Variants in DDX21 observed in about 807,000 individuals in gnomAD.
DDX21 encodes DExD-box helicase 21.
In DDX21, 18 loss-of-function variants were observed where a neutral mutation model predicts 90.0. The ratio of observed to expected loss-of-function variants is 0.20; its 90% confidence interval spans 0.14 to 0.30. The LOEUF is 0.30. Ranked by LOEUF, DDX21 falls within the 10% of genes least tolerant of loss-of-function variation. The probability of loss-of-function intolerance (pLI) is 1.00; values close to 1 mark genes in which losing one functional copy is unlikely to be tolerated. For missense variants in DDX21, 673 were observed against 944.5 expected (o/e 0.71, Z 3.77); for synonymous variants, 294 against 318.0 (o/e 0.92, Z 0.80).
chr10:68,981,851 TTGTGTGTG>T (rs141752628), intron 14 of DDX21, among the ~76,000 whole-genome samples: 3 of 148,826 alleles, frequency 2.0e-5, no homozygotes, highest in Non-Finnish European at 4.5e-5. Context: ...TATATAGATT[TTGTGTGTG>T]TGTGTGTGTG....
intron 3 of DDX21, 132 bp downstream of exon 3, chr10:68,962,289 G>A (rs1842881671): frequency 3.1e-6 from 2 of 641,190 alleles, no homozygotes; most frequent in Non-Finnish European, 5.3e-6. Flanking sequence ...AATGAAGTAG[G>A]CCTGTGTATT....
rs763668496 is a variant in DDX21, at chr10:68,970,364, C to CT, written c.1386+16dup. On this transcript the variant is annotated intron_variant, in intron 8 of 14. Transcript: ENST00000354185. The stretch of plus-strand genomic sequence containing the variant: ...GCTATAAAGCAGGTTGGTCCTTCCC[C>CT]TTATGCCAGCAAAACTGGGGATATC... 10 of 1,608,318 alleles carry CT rather than the reference C, an allele frequency of 6.2e-6. No homozygotes were observed. In the Admixed American group the frequency reaches 1.7e-4, roughly 27 times the overall value.
intron 1 of DDX21, among the ~76,000 whole-genome samples, chr10:68,957,419 C>T (rs1200482185): frequency 6.6e-6 from 1 of 152,172 alleles, no homozygotes; most frequent in South Asian, 2.1e-4. Flanking sequence ...GAGATCAAGT[C>T]AGTGGGAACA....
intron 4 of DDX21, chr10:68,964,101 G>GAA (rs750726882): frequency 0.032 from 7,588 of 233,944 alleles, 4 homozygotes; most frequent in South Asian, 0.042. Flanking sequence ...TCCGTCTCAA[G>GAA]AAAAAAAAAA....
rs187513343 is a variant in DDX21 at position 68,956,917 on chromosome 10, C to G, written c.87+605C>G. ...ATTAGCCGGGCATGGTGGCGCGCGCCTGTAGTCCCAGCTACTCGGGAGGCT... is the reference window on the plus strand; with the variant it reads ...ATTAGCCGGGCATGGTGGCGCGCGCGTGTAGTCCCAGCTACTCGGGAGGCT... On this transcript the variant is annotated intron_variant, in intron 1 of 14. Coordinates refer to ENST00000354185, the MANE Select transcript of DDX21 (RefSeq NM_004728.4). Among the ~76,000 whole-genome samples the G allele has an allele frequency of 9.7e-3, 1,475 of 152,132 alleles. 10 individuals are homozygous for G. Among genetic ancestry groups the G allele is most frequent in the Middle Eastern group, 0.017 (5 of 294 alleles).
Position 68,982,805 on chromosome 10 carries a change from G to A in DDX21, c.2345G>A (p.Gly782Asp). Residue 782 changes from glycine (G) to aspartate (D), a missense_variant, in exon 15 of 15, where the codon GGT becomes GAT. Gly to Asp is a moderately conservative substitution (Grantham distance 94, BLOSUM62 -1). This residue lies in a region of DDX21 where 225 missense variants were observed against 298.8 expected (regional missense o/e 0.75). Coordinates refer to ENST00000354185, the MANE Select transcript of DDX21 (RefSeq NM_004728.4). ...AAGCGGAGTTTCAGTAAAGCATTTG[G>A]TCAATAATTAGAAATAGAAGATTTA... Reference protein sequence around the residue: ...GQKRSFSKAFGQ With the variant: ...GQKRSFSKAFDQ 6.2e-7 allele frequency: 1 copy of A among 1,613,826 alleles called. No homozygotes were observed. The highest frequency in any genetic ancestry group is 8.5e-7 in the Non-Finnish European group (1 of 1,179,858).
intron 1 of DDX21, among the ~76,000 whole-genome samples, chr10:68,959,076 C>A (rs886886213): frequency 6.6e-6 from 1 of 152,096 alleles, no homozygotes; most frequent in African/African-American, 2.4e-5. Context: ...AGAAAAGAAA[C>A]CTGCTTAACA....
At chr10:68,974,519 C>G in intron 10 of DDX21, 151 bp from the exon 11 acceptor site, 1 of 626,226 alleles carries the variant, frequency 1.6e-6, no homozygotes, top group Non-Finnish European at 2.8e-6. Flanking sequence ...TCTGTACTGT[C>G]TTTGTAGCTT....
chr10:68,975,152 G>C (rs1279867852), intron 11 of DDX21, among the ~76,000 whole-genome samples: 1 of 152,140 alleles, frequency 6.6e-6, no homozygotes, highest in Non-Finnish European at 1.5e-5. Context: ...GTATAGTATA[G>C]GTGCTTCTCA....
Position 68,978,897 on chromosome 10 carries a change from C to G in DDX21, c.1958C>G (p.Ala653Gly). ...CSIEMPNISYAWKELKEQLGE... is the reference protein window; with the variant it reads ...CSIEMPNISYGWKELKEQLGE... ...ATTGAAATGCCAAATATTAGTTATGCTTGGAAAGAACTTAAAGAGCAGCTG... is the reference window on the plus strand; with the variant it reads ...ATTGAAATGCCAAATATTAGTTATGGTTGGAAAGAACTTAAAGAGCAGCTG... Residue 653 changes from alanine to glycine, a missense_variant, in exon 13 of 15, where the codon GCT becomes GGT. Coordinates refer to ENST00000354185, the MANE Select transcript of DDX21 (RefSeq NM_004728.4). 1.2e-6 allele frequency: 2 copies of G among 1,614,112 alleles called. No individual in the cohort carries two copies. The highest frequency in any genetic ancestry group is 1.7e-6 in the Non-Finnish European group (2 of 1,180,022).
At position 68,984,901 on chromosome 10, in the gene DDX21, G is replaced by GGT. The variant is rs1178415330; in HGVS notation, c.*2090_*2091dup. On this transcript the variant is annotated 3_prime_UTR_variant, in exon 15 of 15. Coordinates refer to ENST00000354185, the MANE Select transcript of DDX21 (RefSeq NM_004728.4). Reference sequence around the variant, plus strand: ...TTAAATGAACTTGTTGGGTTAGCTTGGTAAATGTTATAATTTTTACTATTT... The same window carrying GGT: ...TTAAATGAACTTGTTGGGTTAGCTTGGTGTAAATGTTATAATTTTTACTATTT... 1.3e-5 allele frequency: 2 copies of GGT among 152,000 alleles called. No individual in the cohort carries two copies. 9.4% of individuals were successfully genotyped at this position (152,000 alleles called of 1,614,324 possible). A position where few individuals can be genotyped will look rare whatever the true frequency, so the allele number is the denominator to read the frequency against.
chr10:68,958,348 A>T (rs1365371590), intron 1 of DDX21, among the ~76,000 whole-genome samples: 1 of 152,128 alleles, frequency 6.6e-6, no homozygotes, highest in Non-Finnish European at 1.5e-5. Flanking sequence ...AGCTGACTGC[A>T]GTCTTGAATT....
At chr10:68,962,505 A>G (rs895750632) in intron 3 of DDX21, among the ~76,000 whole-genome samples, 1 of 152,102 alleles carries the variant, frequency 6.6e-6, no homozygotes. Flanking sequence ...AGTCCTAACT[A>G]CTCCAGAGGC....
At chr10:68,965,523 A>T (rs762351639) in intron 5 of DDX21, 29 bp downstream of exon 5, 20 of 1,511,632 alleles carry the variant, frequency 1.3e-5, no homozygotes, top group Non-Finnish European at 1.5e-5. Context: ...TGAGGGAGGT[A>T]TAATGCCACC....
At chr10:68,973,941 A>G (rs1357758643) in intron 10 of DDX21, among the ~76,000 whole-genome samples, 2 of 152,214 alleles carry the variant, frequency 1.3e-5, no homozygotes, top group Non-Finnish European at 2.9e-5. Context: ...GGCTGTAGGA[A>G]TTGCTTGAAA....
chr10:68,965,808 TG>T, intron 5 of DDX21, among the ~76,000 whole-genome samples: 1 of 152,184 alleles, frequency 6.6e-6, no homozygotes, highest in East Asian at 1.9e-4. Flanking sequence ...TCCTCTTGTC[TG>T]TCAGGACCTT....
Position 68,969,084 on chromosome 10 carries a change from T to C in DDX21, c.1199T>C (p.Ile400Thr). ...MKSTYEQVDL[I>T]GKKTQKTAIT... ...TCTACATATGAACAGGTGGACCTGA[T>C]TGGTAAAAAGACTCAGAAAACGGCA... The change falls in exon 7 of 15, where the codon ATT (isoleucine) becomes ACT (threonine). Residue 400 changes from isoleucine to threonine, a missense_variant. Ile to Thr is a moderately conservative substitution (Grantham distance 89). Coordinates refer to ENST00000354185, the MANE Select transcript of DDX21 (RefSeq NM_004728.4). 6.2e-7 allele frequency: 1 copy of C among 1,613,502 alleles called. No homozygotes were observed. The highest frequency in any genetic ancestry group is 8.5e-7 in the Non-Finnish European group (1 of 1,179,906).
chr10:68,969,671 A>G (rs537415022), intron 7 of DDX21, among the ~76,000 whole-genome samples: 4 of 152,372 alleles, frequency 2.6e-5, no homozygotes, highest in African/African-American at 7.2e-5. Context: ...GTAAACATAA[A>G]TCACACTTAA....
rs769655954 is a variant in DDX21, at chr10:68,962,103, G to C, written c.553G>C (p.Glu185Gln). 6.2e-7 allele frequency: 1 copy of C among 1,612,636 alleles called. No individual in the cohort carries two copies. Among genetic ancestry groups the C allele is most frequent in the Non-Finnish European group, 8.5e-7 (1 of 1,179,220 alleles). ...ATAGGAAATACCTGTGGAACAAAAAGAAGGCGCTTTCTCTAATTTTCCCAT... is the reference window on the plus strand; with the variant it reads ...ATAGGAAATACCTGTGGAACAAAAACAAGGCGCTTTCTCTAATTTTCCCAT... ...IEQEIPVEQKEGAFSNFPISE... is the reference protein window; with the variant it reads ...IEQEIPVEQKQGAFSNFPISE... The change falls in exon 3 of 15, where the codon GAA becomes CAA. Residue 185 changes from glutamate (E) to glutamine (Q), a missense_variant. Glu to Gln is a conservative substitution (Grantham distance 29, BLOSUM62 2). This residue lies in a region of DDX21 where 204 missense variants were observed against 221.6 expected (regional missense o/e 0.92). Transcript: ENST00000354185.
Sources: gnomAD v4.1 joint callset for allele counts (sites outside exome capture counted in the v4.1 genomes callset) on GRCh38, gnomAD v4.1.1 for gene constraint, gnomAD v4.1.1 regional missense constraint, MANE v1.5 for transcripts, NCBI Gene and HGNC (gene_info 2026-07-23, HGNC 2026-07-21) for gene names.